CDH18: variants seen among roughly 807,000 people sequenced by gnomAD.
CDH18 encodes the protein cadherin-18.
A neutral mutation model predicts 67.9 loss-of-function variants in CDH18; 31 were observed. The ratio of observed to expected loss-of-function variants is 0.46; its 90% CI spans 0.34 to 0.62. The LOEUF is 0.62. Ranked by LOEUF, CDH18 falls within the 20% of genes least tolerant of loss-of-function variation. CDH18 has a pLI of 0.01. For synonymous variants in CDH18, 362 were observed against 347.2 expected, an observed-to-expected ratio of 1.04 and a Z score of -0.48; for missense variants, 890 against 975.5, an observed-to-expected ratio of 0.91 and a Z score of 1.17.
At chr5:19,636,218 TATTTTATTTTTTCAATTG>T (rs1175785273) in intron 5 of CDH18, among the ~76,000 whole-genome samples, 1 of 152,098 alleles carries the variant, frequency 6.6e-6, no homozygotes, top group Non-Finnish European at 1.5e-5. Flanking sequence ...TTCTTTTTAT[TATTTTATTTTTTCAATTG>T]ACACAAAATT....
At chr5:19,829,741 G>A in intron 3 of CDH18, among the ~76,000 whole-genome samples, 1 of 151,430 alleles carries the variant, frequency 6.6e-6, no homozygotes, top group East Asian at 1.9e-4. Flanking sequence ...CCAAAAAAGA[G>A]CTTGAATAGC....
Position 19,750,691 on chromosome 5 carries a change from AT to A in CDH18, c.229-3456del, listed in dbSNP as rs535367331. Reference sequence around the variant, plus strand: ...TATACTACTAAGAGAGATGCCCATGATTTTTTTTTACAGTGAAATAAGTAAA... The same window carrying A: ...TATACTACTAAGAGAGATGCCCATGATTTTTTTTACAGTGAAATAAGTAAA... On this transcript the variant is annotated intron_variant, in intron 3 of 12. Coordinates refer to ENST00000382275, the MANE Select transcript of CDH18 (RefSeq NM_004934.5). Among the ~76,000 whole-genome samples the A allele has an allele frequency of 5.0e-3, 754 of 151,068 alleles. 13 individuals are homozygous for A. The highest frequency in any genetic ancestry group is 0.018 in the African/African-American group (724 of 41,030).
intron 2 of CDH18, among the ~76,000 whole-genome samples, chr5:20,108,020 A>G (rs889479461): frequency 1.7e-4 from 26 of 148,822 alleles, no homozygotes; most frequent in African/African-American, 6.4e-4. Flanking sequence ...TTGAATGGGG[A>G]TTAGGGTCCA....
intron 1 of CDH18, among the ~76,000 whole-genome samples, chr5:20,488,322 A>T (rs1753338224): frequency 6.6e-6 from 1 of 152,120 alleles, no homozygotes; most frequent in African/African-American, 2.4e-5. Context: ...CTTTAAAAAG[A>T]AACAGTTGAA....
intron 10 of CDH18, among the ~76,000 whole-genome samples, chr5:19,505,490 CCA>C (rs1299184764): frequency 4.6e-5 from 7 of 152,050 alleles, no homozygotes; most frequent in Non-Finnish European, 1.0e-4. Context: ...GAGATACATC[CCA>C]TCAATACCTA....
intron 4 of CDH18, among the ~76,000 whole-genome samples, chr5:19,733,394 C>T (rs1767877111): frequency 1.3e-5 from 2 of 152,128 alleles, no homozygotes; most frequent in Admixed American, 1.3e-4. Context: ...TTATCCTATG[C>T]CTATAAAAGC....
At chr5:19,646,504 T>C (rs915153875) in intron 5 of CDH18, among the ~76,000 whole-genome samples, 1 of 152,084 alleles carries the variant, frequency 6.6e-6, no homozygotes, top group South Asian at 2.1e-4. Context: ...CATGCCCAGC[T>C]AATTTTTGTA....
At chr5:19,901,351 T>C (rs1216408410) in intron 2 of CDH18, among the ~76,000 whole-genome samples, 1 of 152,124 alleles carries the variant, frequency 6.6e-6, no homozygotes, top group African/African-American at 2.4e-5. Flanking sequence ...ATTTTCATTT[T>C]TGTTGCATGA....
At chr5:19,863,371 GT>G (rs1785106857) in intron 2 of CDH18, among the ~76,000 whole-genome samples, 1 of 152,170 alleles carries the variant, frequency 6.6e-6, no homozygotes, top group Non-Finnish European at 1.5e-5. Context: ...GGAAGTCAGT[GT>G]CCCTTTCCTA....
chr5:19,936,441 A>G (rs1794277297), intron 2 of CDH18, among the ~76,000 whole-genome samples: 1 of 151,282 alleles, frequency 6.6e-6, no homozygotes, highest in African/African-American at 2.4e-5. Flanking sequence ...TCTGAATTTT[A>G]TGTTTTTAAA....
chr5:20,039,708 A>G (rs1740230325), intron 2 of CDH18, among the ~76,000 whole-genome samples: 1 of 152,204 alleles, frequency 6.6e-6, no homozygotes, highest in Admixed American at 6.5e-5. Context: ...AAGATGGATT[A>G]AAGACTTAAA....
intron 2 of CDH18, among the ~76,000 whole-genome samples, chr5:19,862,450 A>T (rs1463014600): frequency 6.6e-6 from 1 of 152,192 alleles, no homozygotes; most frequent in Non-Finnish European, 1.5e-5. Flanking sequence ...TTCTGTTAGT[A>T]CAAACATACG....
chr5:19,683,556 C>A (rs912979723), intron 5 of CDH18, among the ~76,000 whole-genome samples: 8 of 151,964 alleles, frequency 5.3e-5, no homozygotes, highest in African/African-American at 9.7e-5. Flanking sequence ...CACTTTTCAA[C>A]CTTACTTGTT....
At chr5:19,822,301 A>C (rs926162600) in intron 3 of CDH18, among the ~76,000 whole-genome samples, 1 of 152,200 alleles carries the variant, frequency 6.6e-6, no homozygotes, top group African/African-American at 2.4e-5. Flanking sequence ...TGGAAACAAG[A>C]GGAGGCGTTG....
At chr5:20,259,495 A>G (rs552387003) in intron 1 of CDH18, among the ~76,000 whole-genome samples, 1 of 152,252 alleles carries the variant, frequency 6.6e-6, no homozygotes, top group South Asian at 2.1e-4. Context: ...ATGTGAAGAA[A>G]ATAAGGATGA....
chr5:20,153,920 TA>T (rs1478780283), intron 2 of CDH18, among the ~76,000 whole-genome samples: 2 of 152,180 alleles, frequency 1.3e-5, no homozygotes, highest in East Asian at 3.9e-4. Context: ...AACCAGTCCA[TA>T]AACAGATTGT....
chr5:19,846,111 G>GT (rs1241472605), intron 2 of CDH18, among the ~76,000 whole-genome samples: 5 of 151,374 alleles, frequency 3.3e-5, no homozygotes, highest in African/African-American at 4.8e-5. Flanking sequence ...CTTGCTTTGT[G>GT]TTTTTTTAAA....
intron 1 of CDH18, among the ~76,000 whole-genome samples, chr5:20,280,148 T>C (rs947758190): frequency 1.3e-5 from 2 of 152,078 alleles, no homozygotes; most frequent in African/African-American, 4.8e-5. Context: ...TTCTTTTCTT[T>C]TTAATATTGA....
Position 19,874,219 on chromosome 5 carries a change from GAC to G in CDH18, c.-256-34979_-256-34978del, listed in dbSNP as rs1458880318. ...TGTGATCTATATTCTGTTTGGCATT[GAC>G]CTCTCTGACCTGGGAAATGCATTAT... On this transcript the variant is annotated intron_variant, in intron 2 of 12. Coordinates refer to ENST00000382275, the MANE Select transcript of CDH18 (RefSeq NM_004934.5). 8.9e-4 allele frequency among the ~76,000 whole-genome samples: 136 copies of G among 152,248 alleles called. 2 individuals carry two copies. The East Asian group carries it at 0.023, about 26-fold the overall frequency.
Sources: gnomAD v4.1 joint callset for allele counts (sites outside exome capture counted in the v4.1 genomes callset) on GRCh38, gnomAD v4.1.1 for gene constraint, MANE v1.5 for transcripts, NCBI Gene and HGNC (gene_info 2026-07-23, HGNC 2026-07-21) for gene names.